Variants in DACH1 observed in about 807,000 individuals in gnomAD.
The protein encoded by DACH1 is dachshund homolog 1.
DACH1 carries 12 observed loss-of-function variants against 54.2 expected under a neutral mutation model. The ratio of observed to expected loss-of-function variants is 0.22; its 90% CI spans 0.14 to 0.36. DACH1 has a LOEUF of 0.36. DACH1 is among the 10% of genes least tolerant of loss of function. DACH1 has a pLI of 1.00. For missense variants in DACH1, 805 were observed against 929.8 expected, an observed-to-expected ratio of 0.87 and a Z score of 1.75; for synonymous variants, 386 against 366.2, an observed-to-expected ratio of 1.05 and a Z score of -0.62.
At chr13:71,636,855 G>C (rs926610858) in intron 2 of DACH1, among the ~76,000 whole-genome samples, 1 of 152,046 alleles carries the variant, frequency 6.6e-6, no homozygotes, top group Non-Finnish European at 1.5e-5. Flanking sequence ...ACTTAGAAAC[G>C]TGGCTTGTCA....
At chr13:71,741,730 T>C (rs1332668834) in intron 1 of DACH1, among the ~76,000 whole-genome samples, 1 of 152,138 alleles carries the variant, frequency 6.6e-6, no homozygotes, top group Non-Finnish European at 1.5e-5. Flanking sequence ...ATAATTTTTC[T>C]TCCCAAATCT....
intron 3 of DACH1, among the ~76,000 whole-genome samples, chr13:71,593,020 G>A (rs1015035759): frequency 3.3e-5 from 5 of 152,174 alleles, no homozygotes; most frequent in African/African-American, 1.2e-4. Context: ...ATTTTGACAC[G>A]AGAATAAAAG....
intron 1 of DACH1, among the ~76,000 whole-genome samples, chr13:71,696,696 C>T (rs1345263225): frequency 1.3e-5 from 2 of 151,938 alleles, no homozygotes; most frequent in Admixed American, 6.6e-5. Context: ...TACAGGCATG[C>T]ACCACCACAC....
In DACH1 at chr13:71,557,146, T is replaced by A; in HGVS notation, c.1448A>T (p.Asn483Ile). The change falls in exon 6 of 11, where the codon AAT becomes ATT. Residue 483 changes from asparagine (N) to isoleucine (I), a missense_variant. Asn to Ile is a moderately radical substitution (Grantham distance 149, BLOSUM62 -3). Around this residue, in one of 3 missense-constraint regions of DACH1, gnomAD observed 472 missense variants for 545.3 expected, o/e 0.87. Transcript: ENST00000613252. ...CAGCATCTGGTTCATGGACAACCCATTCTGATGGACCGCTATTATGGCCCA... is the reference window on the plus strand; with the variant it reads ...CAGCATCTGGTTCATGGACAACCCAATCTGATGGACCGCTATTATGGCCCA... ...SSSDRIPVHQ[N>I]GLSMNQMLMG... 3 of 1,607,246 alleles carry A rather than the reference T, an allele frequency of 1.9e-6. No homozygotes were observed. The highest frequency in any genetic ancestry group is 2.5e-6 in the Non-Finnish European group (3 of 1,177,668).
chr13:71,708,229 A>T (rs927281729), intron 1 of DACH1, among the ~76,000 whole-genome samples: 1 of 152,156 alleles, frequency 6.6e-6, no homozygotes, highest in Non-Finnish European at 1.5e-5. Flanking sequence ...ACAACAAAGC[A>T]ATCAACAAGC....
At chr13:71,657,863 C>G (rs1283969215) in intron 2 of DACH1, among the ~76,000 whole-genome samples, 2 of 152,096 alleles carry the variant, frequency 1.3e-5, no homozygotes, top group Non-Finnish European at 2.9e-5. Flanking sequence ...CCACCTTTGC[C>G]TCCCGGAGTG....
chr13:71,711,383 C>A (rs1204182535), intron 1 of DACH1, among the ~76,000 whole-genome samples: 1 of 152,104 alleles, frequency 6.6e-6, no homozygotes, highest in African/African-American at 2.4e-5. Flanking sequence ...TCTAAGACAG[C>A]CATTTATCTT....
At chr13:71,684,161 C>A (rs77640361) in intron 1 of DACH1, among the ~76,000 whole-genome samples, 6,719 of 152,164 alleles carry the variant, frequency 0.044, 472 homozygotes, top group African/African-American at 0.15. Flanking sequence ...ATGGTTACAG[C>A]TTTCCAAACT....
intron 1 of DACH1, among the ~76,000 whole-genome samples, chr13:71,764,873 G>T (rs1438661260): frequency 4.6e-5 from 7 of 152,082 alleles, no homozygotes. Context: ...TTGGACTTTG[G>T]ACTTTAAAAC....
intron 1 of DACH1, among the ~76,000 whole-genome samples, chr13:71,844,795 C>T (rs1873114258): frequency 6.6e-6 from 1 of 151,978 alleles, no homozygotes; most frequent in East Asian, 1.9e-4. Context: ...AGAATGAAAT[C>T]CTCTCATTCA....
chr13:71,761,773 T>C (rs1885411063), intron 1 of DACH1, among the ~76,000 whole-genome samples: 1 of 152,126 alleles, frequency 6.6e-6, no homozygotes, highest in African/African-American at 2.4e-5. Flanking sequence ...ACTTAAACTA[T>C]TGATGGTGTT....
intron 1 of DACH1, among the ~76,000 whole-genome samples, chr13:71,816,629 TAC>T (rs1887953418): frequency 4.3e-5 from 1 of 23,004 alleles, no homozygotes; most frequent in African/African-American, 1.1e-4. Flanking sequence ...CGTGTATATA[TAC>T]ACACACATAT....
chr13:71,762,420 A>G (rs374402029), intron 1 of DACH1, among the ~76,000 whole-genome samples: 27 of 152,312 alleles, frequency 1.8e-4, no homozygotes, highest in African/African-American at 6.0e-4. Context: ...TGAGTAAGTG[A>G]TATGAAGAAA....
chr13:71,530,941 C>A (rs777998621), intron 6 of DACH1, among the ~76,000 whole-genome samples: 8 of 151,954 alleles, frequency 5.3e-5, no homozygotes, highest in Non-Finnish European at 7.4e-5. Context: ...TTTAGAGTAT[C>A]ATCTCCCGGC....
At chr13:71,570,530 C>T (rs1247334476) in intron 4 of DACH1, among the ~76,000 whole-genome samples, 1 of 152,114 alleles carries the variant, frequency 6.6e-6, no homozygotes, top group Non-Finnish European at 1.5e-5. Context: ...CTACTATTAC[C>T]ATTTACATCA....
intron 1 of DACH1, among the ~76,000 whole-genome samples, chr13:71,758,263 C>A (rs558051740): frequency 1.3e-5 from 2 of 152,222 alleles, no homozygotes; most frequent in African/African-American, 4.8e-5. Context: ...GCATTTAAAA[C>A]AGATTGACAG....
intron 3 of DACH1, among the ~76,000 whole-genome samples, chr13:71,622,478 C>T (rs991317443): frequency 2.6e-5 from 4 of 151,752 alleles, no homozygotes; most frequent in Non-Finnish European, 5.9e-5. Flanking sequence ...AAATATAAAA[C>T]AATCGAGTAT....
intron 1 of DACH1, among the ~76,000 whole-genome samples, chr13:71,860,855 C>G: frequency 6.6e-6 from 1 of 151,974 alleles, no homozygotes; most frequent in East Asian, 1.9e-4. Context: ...ATAACAACTA[C>G]TTGGTTGCAC....
At chr13:71,697,992 T>C (rs1224296489) in intron 1 of DACH1, among the ~76,000 whole-genome samples, 1 of 152,166 alleles carries the variant, frequency 6.6e-6, no homozygotes, top group Non-Finnish European at 1.5e-5. Flanking sequence ...GAGTAAATGA[T>C]TGATAGAATT....
Sources: gnomAD v4.1 joint callset for allele counts (sites outside exome capture counted in the v4.1 genomes callset) on GRCh38, gnomAD v4.1.1 for gene constraint, gnomAD v4.1.1 regional missense constraint, MANE v1.5 for transcripts, NCBI Gene and HGNC (gene_info 2026-07-23, HGNC 2026-07-21) for gene names.